The following PLXNA4 variants were observed in gnomAD, a reference collection of about 807,000 sequenced individuals.
PLXNA4 encodes plexin-A4.
In PLXNA4, 44 loss-of-function variants were observed where a neutral mutation model predicts 191.8. The ratio of observed to expected loss-of-function variants is 0.23; its 90% confidence interval spans 0.18 to 0.29. The LOEUF (loss-of-function observed/expected upper bound fraction) is 0.29, where lower values mean the gene tolerates loss of function less well. Among genes scored for constraint, PLXNA4 ranks in the 10% least tolerant of loss-of-function variants. PLXNA4 has a pLI of 1.00. For missense variants in PLXNA4, 1,800 were observed against 2,488.8 expected (o/e 0.72, Z 5.89); for synonymous variants, 1,082 against 1,009.5 (o/e 1.07, Z -1.36).
At position 132,585,249 on chromosome 7, in the gene PLXNA4, T is replaced by C. The variant is rs75509141; in HGVS notation, c.-87+60679A>G. On this transcript the variant is annotated intron_variant, in intron 2 of 4. Transcript: ENST00000378539. Reference sequence around the variant, plus strand: ...AAGTCAAAGGAAATATCCTTCTACATTGGAGTCAGTAAACTCATGGAAACT... The same window carrying C: ...AAGTCAAAGGAAATATCCTTCTACACTGGAGTCAGTAAACTCATGGAAACT... 1.5e-4 allele frequency among the ~76,000 whole-genome samples: 23 copies of C among 152,234 alleles called. No individual in the cohort carries two copies. The East Asian group carries it at 2.7e-3, about 18-fold the overall frequency.
chr7:132,481,271 G>A (rs1314766446), intron 3 of PLXNA4, among the ~76,000 whole-genome samples: 1 of 152,074 alleles, frequency 6.6e-6, no homozygotes, highest in Non-Finnish European at 1.5e-5. Flanking sequence ...ACAGAACAGA[G>A]GGAATGAAAG....
At chr7:132,193,021 A>AT in intron 14 of PLXNA4, among the ~76,000 whole-genome samples, 1 of 152,222 alleles carries the variant, frequency 6.6e-6, no homozygotes, top group South Asian at 2.1e-4. Flanking sequence ...GCAGGGGTTA[A>AT]TGAGGTCATG....
chr7:132,519,535 T>C lies in PLXNA4; in HGVS notation c.-86-10756A>G, dbSNP rs191681494. 1.3e-3 allele frequency among the ~76,000 whole-genome samples: 197 copies of C among 152,312 alleles called. 2 individuals are homozygous for C. Among genetic ancestry groups the C allele is most frequent in the African/African-American group, 4.4e-3 (183 of 41,556 alleles). ...TAATCCCTGTCTCGTGCATGTGGCC[T>C]GAGGCTTGTCCAGCTGACATTTTCA... On this transcript the variant is annotated intron_variant, in intron 1 of 31. Transcript: ENST00000321063.
chr7:132,639,890 A>C (rs1803680536), intron 2 of PLXNA4, among the ~76,000 whole-genome samples: 1 of 152,130 alleles, frequency 6.6e-6, no homozygotes, highest in Non-Finnish European at 1.5e-5. Context: ...CACAGAGGAG[A>C]CTCAAGCTCC....
chr7:132,433,235 A>G (rs977416404), intron 3 of PLXNA4, among the ~76,000 whole-genome samples: 3 of 152,050 alleles, frequency 2.0e-5, no homozygotes, highest in South Asian at 4.2e-4. Context: ...GCTTTTGACA[A>G]CTCTGTGATG....
intron 31 of PLXNA4, among the ~76,000 whole-genome samples, chr7:132,131,571 C>T (rs1794927790): frequency 6.6e-6 from 1 of 152,184 alleles, no homozygotes; most frequent in South Asian, 2.1e-4. Flanking sequence ...TTTCATGACC[C>T]AGTTAATGTT....
chr7:132,447,608 G>A (rs1434173694), intron 3 of PLXNA4, among the ~76,000 whole-genome samples: 3 of 152,106 alleles, frequency 2.0e-5, no homozygotes, highest in Admixed American at 2.0e-4. Context: ...TCTAAAATGG[G>A]ACTTAATAAT....
At chr7:132,639,419 A>C (rs1393648122) in intron 2 of PLXNA4, among the ~76,000 whole-genome samples, 1 of 152,196 alleles carries the variant, frequency 6.6e-6, no homozygotes, top group South Asian at 2.1e-4. Flanking sequence ...ATGACCATGT[A>C]TACACTGACA....
intron 20 of PLXNA4, among the ~76,000 whole-genome samples, chr7:132,176,047 C>T (rs1796445598): frequency 6.6e-6 from 1 of 152,192 alleles, no homozygotes; most frequent in Non-Finnish European, 1.5e-5. Flanking sequence ...AATGCAGCCA[C>T]CCTAGGAACT....
chr7:132,282,276 A>G lies in PLXNA4; in HGVS notation c.1503+15815T>C, dbSNP rs553637363. On this transcript the variant is annotated intron_variant, in intron 4 of 31. Coordinates refer to ENST00000321063, the MANE Select transcript of PLXNA4 (RefSeq NM_020911.2). ...ACTAACTCGTCATCTAGCATTAGGT[A>G]TATCTCCCAATATAGGCCAGGTGCA... Among the ~76,000 whole-genome samples, 6 of 152,280 alleles carry G rather than the reference A, an allele frequency of 3.9e-5. No individual in the cohort carries two copies. In the South Asian group the frequency reaches 1.2e-3, roughly 32 times the overall value.
intron 3 of PLXNA4, among the ~76,000 whole-genome samples, chr7:132,332,096 C>G (rs1802610879): frequency 6.6e-6 from 1 of 152,206 alleles, no homozygotes. Context: ...TCATTGTTCA[C>G]TAAGAGAACA....
In PLXNA4 at chr7:132,128,988, C is replaced by T. The variant is rs80037822; in HGVS notation, c.*1491G>A. On this transcript the variant is annotated 3_prime_UTR_variant, in exon 32 of 32. Coordinates refer to ENST00000321063, the MANE Select transcript of PLXNA4 (RefSeq NM_020911.2). ...CCATTAGACCATCTCTCCCCATAGC[C>T]TCTGCTTACCTAGTATCAATTTCTA... 6.6e-6 allele frequency: 1 copy of T among 152,250 alleles called. No individual in the cohort carries two copies. The highest frequency in any genetic ancestry group is 1.5e-5 in the Non-Finnish European group (1 of 68,072). The allele number at this position is 152,250 out of a possible 1,614,324, so 9.4% of individuals were successfully genotyped here. A position where few individuals can be genotyped will look rare whatever the true frequency, so the allele number is the denominator to read the frequency against.
intron 1 of PLXNA4, among the ~76,000 whole-genome samples, chr7:132,521,946 C>A (rs760737859): frequency 2.6e-5 from 4 of 152,268 alleles, no homozygotes; most frequent in Admixed American, 1.3e-4. Flanking sequence ...GTAGAGGGCC[C>A]AGGGCAGGGC....
At chr7:132,309,813 C>T (rs767729444) in intron 3 of PLXNA4, among the ~76,000 whole-genome samples, 1 of 152,142 alleles carries the variant, frequency 6.6e-6, no homozygotes. Flanking sequence ...CTTCAGGAGT[C>T]GTCCAGGTAC....
chr7:132,291,641 A>T (rs1800895746), intron 4 of PLXNA4, among the ~76,000 whole-genome samples: 1 of 152,124 alleles, frequency 6.6e-6, no homozygotes, highest in African/African-American at 2.4e-5. Context: ...CACACACTCC[A>T]TTCTCTACCT....
chr7:132,152,465 T>C (rs1795674161), intron 25 of PLXNA4, among the ~76,000 whole-genome samples: 1 of 152,222 alleles, frequency 6.6e-6, no homozygotes, highest in South Asian at 2.1e-4. Context: ...AGTGTGTGCT[T>C]AGTTTTAATA....
chr7:132,463,692 C>G (rs181680868), intron 3 of PLXNA4, among the ~76,000 whole-genome samples: 1 of 152,188 alleles, frequency 6.6e-6, no homozygotes, highest in Non-Finnish European at 1.5e-5. Context: ...CTCTGGCTTA[C>G]GGGGACACAC....
At chr7:132,467,559 C>T (rs1269889993) in intron 3 of PLXNA4, among the ~76,000 whole-genome samples, 1 of 152,214 alleles carries the variant, frequency 6.6e-6, no homozygotes, top group African/African-American at 2.4e-5. Context: ...CAGTGCATGT[C>T]CTAAGCACAT....
At chr7:132,202,526 A>G in intron 12 of PLXNA4, 120 bp downstream of exon 12, 1 of 1,108,502 alleles carries the variant, frequency 9.0e-7, no homozygotes, top group Non-Finnish European at 1.2e-6. Context: ...AGGCAGAGCA[A>G]CCAAGTCCAC....
Sources: gnomAD v4.1 joint callset for allele counts (sites outside exome capture counted in the v4.1 genomes callset) on GRCh38, gnomAD v4.1.1 for gene constraint, MANE v1.5 for transcripts, NCBI Gene and HGNC (gene_info 2026-07-23, HGNC 2026-07-21) for gene names.